OSTF1: variants seen among roughly 807,000 people sequenced by gnomAD.
OSTF1 encodes osteoclast stimulating factor 1, also known as osteoclast-stimulating factor 1.
Under a neutral mutation model 37.2 loss-of-function variants are expected in OSTF1, and 27 were observed. The observed-to-expected ratio is 0.73, with a 90% CI of 0.54 to 1.00. The LOEUF (loss-of-function observed/expected upper bound fraction) is 1.00, where lower values mean the gene tolerates loss of function less well. Ranked by LOEUF, OSTF1 falls within the 50% of genes least tolerant of loss-of-function variation. The pLI, the probability that OSTF1 is intolerant of heterozygous loss-of-function variation, is 0.00. For synonymous variants in OSTF1, 82 were observed against 89.2 expected (o/e 0.92, Z 0.46); for missense variants, 232 against 253.8 (o/e 0.91, Z 0.58).
At chr9:75,133,034 A>G (rs1050560605) in intron 5 of OSTF1, among the ~76,000 whole-genome samples, 2 of 151,792 alleles carry the variant, frequency 1.3e-5, no homozygotes, top group Admixed American at 1.3e-4. Context: ...TTTTAACAGA[A>G]TAGAAATACC....
At chr9:75,141,865 A>G (rs1384055942) in intron 9 of OSTF1, among the ~76,000 whole-genome samples, 1 of 152,080 alleles carries the variant, frequency 6.6e-6, no homozygotes, top group Non-Finnish European at 1.5e-5. Context: ...CTCCCATCTC[A>G]GCTTCCTGAG....
At chr9:75,133,839 A>T (rs1281536619) in intron 6 of OSTF1, among the ~76,000 whole-genome samples, 1 of 152,210 alleles carries the variant, frequency 6.6e-6, no homozygotes, top group Non-Finnish European at 1.5e-5. Flanking sequence ...GATTCCATTG[A>T]TACTTTTTCT....
intron 5 of OSTF1, among the ~76,000 whole-genome samples, chr9:75,132,816 A>G (rs1321764158): frequency 1.3e-5 from 2 of 152,216 alleles, no homozygotes; most frequent in Non-Finnish European, 2.9e-5. Context: ...TAAGAGCAGC[A>G]GCTTTGAGTA....
chr9:75,116,195 A>C (rs1825486198), intron 1 of OSTF1, among the ~76,000 whole-genome samples: 1 of 152,176 alleles, frequency 6.6e-6, no homozygotes, highest in African/African-American at 2.4e-5. Context: ...CATTAAGTAT[A>C]ATAAGTAATC....
chr9:75,134,491 C>A, intron 7 of OSTF1, 96 bp downstream of exon 7: 1 of 641,592 alleles, frequency 1.6e-6, no homozygotes, highest in Non-Finnish European at 2.8e-6. Flanking sequence ...TAGTCAAAAT[C>A]CCACAAGCAC....
chr9:75,142,968 C>T (rs1208561169), intron 9 of OSTF1, among the ~76,000 whole-genome samples: 2 of 145,338 alleles, frequency 1.4e-5, no homozygotes, highest in Non-Finnish European at 3.0e-5. Flanking sequence ...GAGACAGAGT[C>T]TCACTCTGTT....
At chr9:75,106,776 A>C (rs1825292778) in intron 1 of OSTF1, among the ~76,000 whole-genome samples, 1 of 151,040 alleles carries the variant, frequency 6.6e-6, no homozygotes, top group Admixed American at 6.6e-5. Flanking sequence ...CAACATGGTG[A>C]AACCCCGTCT....
rs754768711 is a variant in OSTF1, at chr9:75,117,525, C to A, written c.56C>A (p.Ala19Asp). The A allele has an allele frequency of 6.2e-7, 1 of 1,610,714 alleles. No homozygotes were observed. The highest frequency in any genetic ancestry group is 8.5e-7 in the Non-Finnish European group (1 of 1,177,634). The change falls in exon 2 of 10, where the codon GCC (alanine) becomes GAC (aspartate). Residue 19 changes from alanine (A) to aspartate (D), a missense_variant. Coordinates refer to ENST00000346234, the MANE Select transcript of OSTF1 (RefSeq NM_012383.5). The part of the protein sequence containing the change: ...VKPGQVKVFR[A>D]LYTFEPRTPD... ...TTAGGGCAAGTTAAAGTCTTCAGAG[C>A]CCTGTATACGTTTGAACCCAGAACT...
At chr9:75,137,665 G>A in intron 8 of OSTF1, 49 bp downstream of exon 8, 7 of 1,158,350 alleles carry the variant, frequency 6.0e-6, no homozygotes, top group Non-Finnish European at 9.1e-6. Flanking sequence ...CTGAAAAATA[G>A]TCTATATCAA....
Position 75,104,843 on chromosome 9 carries a change from C to T in OSTF1, c.35-12661C>T, listed in dbSNP as rs937758478. The stretch of plus-strand genomic sequence containing the variant: ...GTATTCAGAGCATGGGTTCTGGAGC[C>T]AGATGGGCCTGAGTTTAAGGCTCTT... On this transcript the variant is annotated intron_variant, in intron 1 of 9. Transcript: ENST00000346234. Among the ~76,000 whole-genome samples the T allele has an allele frequency of 3.3e-5, 5 of 152,200 alleles. No individual in the cohort carries two copies. In the South Asian group the frequency reaches 6.2e-4, roughly 19 times the overall value.
intron 7 of OSTF1, 46 bp downstream of exon 7, chr9:75,134,441 G>T (rs1336282789): frequency 4.9e-6 from 5 of 1,011,466 alleles, no homozygotes; most frequent in South Asian, 1.4e-5. Context: ...CCTGCTTGTT[G>T]TCTTTAGTAC....
chr9:75,126,139 G>A (rs944453232), intron 2 of OSTF1, among the ~76,000 whole-genome samples: 2 of 151,924 alleles, frequency 1.3e-5, no homozygotes, highest in Admixed American at 6.6e-5. Flanking sequence ...GGTCTCGAAC[G>A]CCTGTCCTCA....
At chr9:75,144,701 A>G (rs868397905) in intron 9 of OSTF1, among the ~76,000 whole-genome samples, 3 of 151,774 alleles carry the variant, frequency 2.0e-5, no homozygotes, top group Non-Finnish European at 4.4e-5. Flanking sequence ...TTTTTTTTTT[A>G]AAAGAGCATT....
At chr9:75,102,302 C>T (rs540147663) in intron 1 of OSTF1, among the ~76,000 whole-genome samples, 11 of 152,288 alleles carry the variant, frequency 7.2e-5, no homozygotes, top group African/African-American at 2.6e-4. Context: ...AATTTCATCT[C>T]TAAACAGTGG....
chr9:75,106,077 TC>T (rs1825278346), intron 1 of OSTF1, among the ~76,000 whole-genome samples: 1 of 152,226 alleles, frequency 6.6e-6, no homozygotes, highest in Admixed American at 6.5e-5. Context: ...TTAGGTTTTT[TC>T]TGTTTCTTTT....
intron 1 of OSTF1, among the ~76,000 whole-genome samples, chr9:75,105,524 G>C (rs898765196): frequency 1.3e-5 from 2 of 152,054 alleles, no homozygotes; most frequent in African/African-American, 4.8e-5. Flanking sequence ...TCTCTCATCT[G>C]TTTAAACATG....
intron 2 of OSTF1, among the ~76,000 whole-genome samples, chr9:75,123,714 C>T (rs570871328): frequency 6.6e-6 from 1 of 152,288 alleles, no homozygotes; most frequent in South Asian, 2.1e-4. Flanking sequence ...AAACGTGTCC[C>T]TAGTTTCTTT....
At chr9:75,133,769 A>T (rs781074504) in intron 6 of OSTF1, among the ~76,000 whole-genome samples, 1 of 152,230 alleles carries the variant, frequency 6.6e-6, no homozygotes, top group Non-Finnish European at 1.5e-5. Context: ...TATGATTTGC[A>T]TTTTAAGTTT....
intron 9 of OSTF1, among the ~76,000 whole-genome samples, chr9:75,145,051 G>A (rs1429072378): frequency 6.6e-6 from 1 of 151,990 alleles, no homozygotes; most frequent in Non-Finnish European, 1.5e-5. Flanking sequence ...TTATGTTTTT[G>A]TCAATTAGTG....
Sources: allele counts gnomAD v4.1 joint callset (sites outside exome capture counted in the v4.1 genomes callset), GRCh38; gene constraint gnomAD v4.1.1; transcripts MANE v1.5; gene names NCBI Gene and HGNC (gene_info 2026-07-23, HGNC 2026-07-21).